Variants in TC2N observed in about 807,000 individuals in gnomAD.
TC2N encodes the protein tandem C2 domains, nuclear, also known as tandem C2 domains nuclear protein.
Under a neutral mutation model 61.9 loss-of-function variants are expected in TC2N, and 51 were observed. The ratio of observed to expected loss-of-function variants is 0.82; its 90% confidence interval spans 0.66 to 1.04. TC2N has a LOEUF of 1.04. Among genes scored for constraint, TC2N ranks in the 50% least tolerant of loss-of-function variants. The pLI is 0.00. For synonymous variants in TC2N, 204 were observed against 192.6 expected, an observed-to-expected ratio of 1.06 and a Z score of -0.49; for missense variants, 556 against 566.7, an observed-to-expected ratio of 0.98 and a Z score of 0.19.
At chr14:91,805,235 A>G (rs1886453781) in intron 3 of TC2N, among the ~76,000 whole-genome samples, 1 of 152,210 alleles carries the variant, frequency 6.6e-6, no homozygotes, top group Non-Finnish European at 1.5e-5. Flanking sequence ...GTTTTTAACA[A>G]AAAAGTTTAA....
At chr14:91,816,408 T>A (rs935396712) in intron 1 of TC2N, among the ~76,000 whole-genome samples, 1 of 151,820 alleles carries the variant, frequency 6.6e-6, no homozygotes, top group African/African-American at 2.4e-5. Context: ...ATAAGATTAA[T>A]CTGTAATTGT....
chr14:91,813,604 C>G, intron 2 of TC2N, 99 bp downstream of exon 2: 1 of 779,184 alleles, frequency 1.3e-6, no homozygotes. Flanking sequence ...TTCTGCCTCC[C>G]CTAAGAAGTT....
intron 1 of TC2N, among the ~76,000 whole-genome samples, chr14:91,814,653 A>T (rs1360514505): frequency 6.6e-6 from 1 of 151,688 alleles, no homozygotes. Flanking sequence ...AGTGAAAGTT[A>T]GAAACTGAAA....
intron 8 of TC2N, among the ~76,000 whole-genome samples, chr14:91,796,445 C>G (rs532268286): frequency 6.6e-6 from 1 of 152,056 alleles, no homozygotes; most frequent in East Asian, 1.9e-4. Context: ...ATTACACCCC[C>G]CTAAAAAAGA....
chr14:91,802,395 G>C lies in TC2N; in HGVS notation c.328C>G (p.Arg110Gly). Residue 110 changes from arginine to glycine, a missense_variant, in exon 4 of 12, where the codon CGA (arginine) becomes GGA (glycine). Transcript: ENST00000435962. ...EGSARASFGDRKVELSSSSQH... is the reference protein window; with the variant it reads ...EGSARASFGDGKVELSSSSQH... ...GATGAACTGGAAAGTTCTACCTTTC[G>C]ATCTCCAAAAGATGCTCTGGCAGAT... 1 of 1,612,024 alleles carries C rather than the reference G, an allele frequency of 6.2e-7. No homozygotes were observed. The highest frequency in any genetic ancestry group is 8.5e-7 in the Non-Finnish European group (1 of 1,179,254).
In TC2N at chr14:91,787,670, T is replaced by C. The variant is rs781411103; in HGVS notation, c.1048-43A>G. 14 of 1,181,786 alleles carry C rather than the reference T, an allele frequency of 1.2e-5. No individual in the cohort carries two copies. In the African/African-American group the frequency reaches 1.9e-4, roughly 16 times the overall value. 73.2% of individuals were successfully genotyped at this position (1,181,786 alleles called of 1,614,324 possible). On this transcript the variant is annotated intron_variant, in intron 9 of 11. Transcript: ENST00000435962. ...GTCATTTGGTAGTTAAGAATAAAGT[T>C]TTTGAAACAATTCAAAAATTAAAAG...
intron 9 of TC2N, among the ~76,000 whole-genome samples, chr14:91,791,385 T>A (rs1885649459): frequency 6.6e-6 from 1 of 152,180 alleles, no homozygotes; most frequent in African/African-American, 2.4e-5. Flanking sequence ...TGGAAACAGG[T>A]AAAATATAAA....
intron 1 of TC2N, among the ~76,000 whole-genome samples, chr14:91,827,898 G>C (rs1274074236): frequency 1.3e-5 from 2 of 152,180 alleles, no homozygotes; most frequent in African/African-American, 4.8e-5. Context: ...CAATCCATGT[G>C]TGACTTAGGC....
intron 1 of TC2N, among the ~76,000 whole-genome samples, chr14:91,864,796 T>A (rs1000907737): frequency 4.7e-5 from 7 of 149,706 alleles, no homozygotes; most frequent in Non-Finnish European, 8.9e-5. Flanking sequence ...TTTTTTTTTT[T>A]TTTGAGACAG....
intron 1 of TC2N, among the ~76,000 whole-genome samples, chr14:91,867,044 G>A (rs141334905): frequency 4.6e-5 from 7 of 152,032 alleles, no homozygotes; most frequent in Non-Finnish European, 1.0e-4. Context: ...TTTTGAAAGC[G>A]CAATTTGAGG....
intron 1 of TC2N, among the ~76,000 whole-genome samples, chr14:91,827,304 T>C (rs560470676): frequency 5.4e-4 from 82 of 152,328 alleles, no homozygotes; most frequent in Middle Eastern, 6.8e-3. Flanking sequence ...TTCTGGAAGT[T>C]TGAAGTCTGA....
chr14:91,849,879 C>T (rs1224796686), intron 1 of TC2N, among the ~76,000 whole-genome samples: 1 of 152,012 alleles, frequency 6.6e-6, no homozygotes. Flanking sequence ...GAAACCCTGT[C>T]TCTACTAAAA....
At chr14:91,858,152 C>CTTCTTCT (rs1555373188) in intron 1 of TC2N, among the ~76,000 whole-genome samples, 1 of 92,334 alleles carries the variant, frequency 1.1e-5, no homozygotes, top group African/African-American at 4.0e-5. Context: ...TCTTCTTCTT[C>CTTCTTCT]TTTTTTTTTT....
chr14:91,848,406 C>G (rs1257135213), intron 1 of TC2N, among the ~76,000 whole-genome samples: 1 of 152,184 alleles, frequency 6.6e-6, no homozygotes, highest in Non-Finnish European at 1.5e-5. Context: ...TTTCAAGACC[C>G]ATGTGACTGC....
intron 6 of TC2N, among the ~76,000 whole-genome samples, 187 bp downstream of exon 6, chr14:91,798,801 TG>T (rs1486672281): frequency 2.0e-5 from 3 of 151,972 alleles, no homozygotes; most frequent in African/African-American, 7.2e-5. Context: ...CACTGAGAAA[TG>T]GACCATGTGA....
At chr14:91,838,566 G>A (rs1888109869) in intron 1 of TC2N, among the ~76,000 whole-genome samples, 1 of 152,180 alleles carries the variant, frequency 6.6e-6, no homozygotes, top group Admixed American at 6.5e-5. Context: ...ACTTAGTGCA[G>A]GGCACAAAAG....
At chr14:91,848,658 G>T (rs1888315180) in intron 1 of TC2N, among the ~76,000 whole-genome samples, 1 of 152,154 alleles carries the variant, frequency 6.6e-6, no homozygotes, top group Admixed American at 6.5e-5. Context: ...AAGGCTTTAT[G>T]ATAGCCTTGG....
chr14:91,846,974 G>A (rs1888281261), intron 1 of TC2N, among the ~76,000 whole-genome samples: 1 of 152,120 alleles, frequency 6.6e-6, no homozygotes, highest in Non-Finnish European at 1.5e-5. Flanking sequence ...TAAAAACAAG[G>A]AGGCCAGGCG....
At chr14:91,793,458 G>T (rs1885754437) in intron 8 of TC2N, among the ~76,000 whole-genome samples, 1 of 152,128 alleles carries the variant, frequency 6.6e-6, no homozygotes, top group Non-Finnish European at 1.5e-5. Context: ...TTTAAAAATT[G>T]AAGGTTCGTG....
Sources: gnomAD v4.1 joint callset for allele counts (sites outside exome capture counted in the v4.1 genomes callset) on GRCh38, gnomAD v4.1.1 for gene constraint, MANE v1.5 for transcripts, NCBI Gene and HGNC (gene_info 2026-07-23, HGNC 2026-07-21) for gene names.